Variants in IQCH observed in about 807,000 individuals in gnomAD.
IQCH encodes the protein IQ domain-containing protein H.
Under a neutral mutation model 117.0 loss-of-function variants are expected in IQCH, and 98 were observed. The observed-to-expected ratio is 0.84, with a 90% confidence interval of 0.71 to 0.99. The LOEUF (loss-of-function observed/expected upper bound fraction) is 0.99, where lower values mean the gene tolerates loss of function less well. Among genes scored for constraint, IQCH ranks in the 50% least tolerant of loss-of-function variants. The pLI, the probability that IQCH is intolerant of heterozygous loss-of-function variation, is 0.00. For missense variants in IQCH, 1,102 were observed against 1,243.8 expected (o/e 0.89, Z 1.72); for synonymous variants, 412 against 448.2 (o/e 0.92, Z 1.02).
chr15:67,385,141 G>A lies in IQCH; in HGVS notation c.1456+122G>A, dbSNP rs1016088794. On this transcript the variant is annotated intron_variant, in intron 11 of 20. Transcript: ENST00000335894. The surrounding 1 kb of genome is among the most constrained non-coding windows in gnomAD (Gnocchi z 4.6). The stretch of plus-strand genomic sequence containing the variant: ...TTTTCCTCTACAAGGAAAAAGCTCA[G>A]ATGTTTAATCTACTTACAGGGCAAT... 9 of 587,744 alleles carry A rather than the reference G, an allele frequency of 1.5e-5. No homozygotes were observed. Among genetic ancestry groups the A allele is most frequent in the Non-Finnish European group, 6.1e-6 (2 of 328,740 alleles). 36.4% of individuals were successfully genotyped at this position (587,744 alleles called of 1,614,324 possible).
At chr15:67,321,497 TTTTTTCTTTCTTTC>T (rs1252489394) in intron 4 of IQCH, among the ~76,000 whole-genome samples, 3 of 150,820 alleles carry the variant, frequency 2.0e-5, no homozygotes, top group Non-Finnish European at 4.4e-5. Context: ...TTTTTCTTTC[TTTTTTCTTTCTTTC>T]TTTTTCTTTC....
At chr15:67,340,904 A>G (rs4506839) in intron 5 of IQCH, among the ~76,000 whole-genome samples, 67,509 of 152,092 alleles carry the variant, frequency 0.44, 15,534 homozygotes, top group Non-Finnish European at 0.52. Context: ...CATTTCAGCC[A>G]CAGATAGAGA....
At chr15:67,484,767 A>C (rs2083430522) in intron 18 of IQCH, among the ~76,000 whole-genome samples, 1 of 151,902 alleles carries the variant, frequency 6.6e-6, no homozygotes, top group South Asian at 2.1e-4. Context: ...AAAATAAAAT[A>C]AAATCAACCC....
rs1208342156 is a variant in IQCH, at chr15:67,494,589, G to T, written c.2970+223G>T. On this transcript the variant is annotated intron_variant, in intron 20 of 20. Coordinates refer to ENST00000335894, the MANE Select transcript of IQCH (RefSeq NM_001031715.3). The surrounding 1 kb of genome is among the most constrained non-coding windows in gnomAD (Gnocchi z 5.5). ...AAATAGAGTTGACTTTTAACTTGCT[G>T]CCATTTTCAAACTCCAGCTCCTAAG... 3.3e-5 allele frequency among the ~76,000 whole-genome samples: 5 copies of T among 152,138 alleles called. No homozygotes were observed.
intron 16 of IQCH, among the ~76,000 whole-genome samples, chr15:67,438,479 C>T (rs8035471): frequency 0.017 from 2,517 of 152,228 alleles, 60 homozygotes; most frequent in African/African-American, 0.058. Flanking sequence ...ACCTATAAAA[C>T]AAAAATACAA....
chr15:67,290,835 G>A (rs1966725251), intron 4 of IQCH, among the ~76,000 whole-genome samples: 1 of 152,128 alleles, frequency 6.6e-6, no homozygotes, highest in Admixed American at 6.6e-5. Context: ...ATATAATACA[G>A]CATGATCCCT....
At chr15:67,434,524 GT>G (rs1386728904) in intron 16 of IQCH, among the ~76,000 whole-genome samples, 6 of 152,146 alleles carry the variant, frequency 3.9e-5, no homozygotes, top group African/African-American at 1.4e-4. Flanking sequence ...CACTTAGGTT[GT>G]TTCCACGTCT....
intron 20 of IQCH, among the ~76,000 whole-genome samples, chr15:67,499,280 T>G (rs1039677126): frequency 9.7e-6 from 1 of 102,696 alleles, no homozygotes; most frequent in South Asian, 3.2e-4. Context: ...GCTTTGGTGA[T>G]AGAGCAAGAC....
chr15:67,444,810 G>A (rs2082357217), intron 16 of IQCH, among the ~76,000 whole-genome samples: 1 of 152,120 alleles, frequency 6.6e-6, no homozygotes, highest in South Asian at 2.1e-4. Flanking sequence ...TTTGCTCATA[G>A]CACAAAATTT....
In IQCH at chr15:67,270,099, A is replaced by T. The variant is rs138340233; in HGVS notation, c.269+6883A>T. On this transcript the variant is annotated intron_variant, in intron 3 of 20. Coordinates refer to ENST00000335894, the MANE Select transcript of IQCH (RefSeq NM_001031715.3). ...GTGGGTATACTTTGCTGAATTCATT[A>T]ATCAGTTCTAACAGTTTTTGGTGGT... 6.8e-4 allele frequency among the ~76,000 whole-genome samples: 104 copies of T among 152,250 alleles called. 4 individuals are homozygous for T. The East Asian group carries it at 0.012, about 18-fold the overall frequency.
chr15:67,293,843 A>C (rs187346239), intron 4 of IQCH, among the ~76,000 whole-genome samples: 100 of 152,294 alleles, frequency 6.6e-4, no homozygotes, highest in African/African-American at 2.3e-3. Flanking sequence ...ATGAGTGTGA[A>C]TAGCAAAGAA....
At chr15:67,301,344 A>G (rs567055905) in intron 4 of IQCH, among the ~76,000 whole-genome samples, 1 of 151,680 alleles carries the variant, frequency 6.6e-6, no homozygotes, top group African/African-American at 2.4e-5. Context: ...TCGTAAGACA[A>G]ATTTAGGTTT....
intron 14 of IQCH, among the ~76,000 whole-genome samples, chr15:67,410,920 T>C (rs956165087): frequency 2.0e-5 from 3 of 152,196 alleles, no homozygotes; most frequent in African/African-American, 7.2e-5. Flanking sequence ...CTGGTAGCAA[T>C]TGGGTTTGAA....
At position 67,407,327 on chromosome 15, in the gene IQCH, C is replaced by G. The variant is rs749531183; in HGVS notation, c.2097+7022C>G. 15 of 152,176 alleles carry G rather than the reference C, an allele frequency of 9.9e-5. No homozygotes were observed. The highest frequency in any genetic ancestry group is 1.8e-4 in the Non-Finnish European group (12 of 68,034). 9.4% of individuals were successfully genotyped at this position (152,176 alleles called of 1,614,324 possible). A position where few individuals can be genotyped will look rare whatever the true frequency, so the allele number is the denominator to read the frequency against. On this transcript the variant is annotated intron_variant, in intron 14 of 20. Coordinates refer to ENST00000335894, the MANE Select transcript of IQCH (RefSeq NM_001031715.3). This position sits in a 1 kb window ranked among gnomAD's most constrained non-coding sequence, Gnocchi z 5.3. ...TTTCTGGTTCCAGTTGGTGTATTTT[C>G]TAATTAGTGTAGCAGCACGTCACCA...
intron 18 of IQCH, among the ~76,000 whole-genome samples, chr15:67,489,334 A>AT (rs2083581200): frequency 1.5e-5 from 2 of 136,772 alleles, no homozygotes; most frequent in African/African-American, 5.5e-5. Context: ...CGCCCGGCCA[A>AT]TTTTTTTTGA....
intron 4 of IQCH, among the ~76,000 whole-genome samples, chr15:67,333,748 A>G (rs569998348): frequency 6.6e-5 from 10 of 152,248 alleles, no homozygotes; most frequent in Admixed American, 5.9e-4. Flanking sequence ...AAGCTTTTCT[A>G]TATTTTTTAC....
chr15:67,261,322 T>C lies in IQCH; in HGVS notation c.102T>C (p.Pro34=). ...QLKEKLTKFS[P]EEKGETLDIQ... ...AGGAGAAATTAACAAAATTCTCACC[T>C]GAGGAAAAAGGAGAGACTCTAGACA... The change falls in exon 2 of 21, where the codon CCT becomes CCC. Residue 34 remains proline (P), a synonymous_variant. Transcript: ENST00000335894. 1 of 1,585,810 alleles carries C rather than the reference T, an allele frequency of 6.3e-7. No homozygotes were observed. Among genetic ancestry groups the C allele is most frequent in the Non-Finnish European group, 8.6e-7 (1 of 1,168,958 alleles).
chr15:67,422,482 T>G lies in IQCH; in HGVS notation c.2505+905T>G, dbSNP rs549279589. 6.6e-6 allele frequency among the ~76,000 whole-genome samples: 1 copy of G among 152,204 alleles called. No homozygotes were observed. The highest frequency in any genetic ancestry group is 2.4e-5 in the African/African-American group (1 of 41,452). ...TCCTGTGTACTCCTTGCCAAGCACA[T>G]GGCTCTTCCTCCTCCTAGAGGCCAG... On this transcript the variant is annotated intron_variant, in intron 16 of 20. Transcript: ENST00000335894. This position sits in a 1 kb window ranked among gnomAD's most constrained non-coding sequence, Gnocchi z 4.7.
At chr15:67,323,949 T>G (rs1456012383) in intron 4 of IQCH, among the ~76,000 whole-genome samples, 3 of 141,936 alleles carry the variant, frequency 2.1e-5, no homozygotes, top group Non-Finnish European at 3.1e-5. Flanking sequence ...CTTTTTTTTT[T>G]TTTTTTTTTT....
Sources: gnomAD v4.1 joint callset for allele counts (sites outside exome capture counted in the v4.1 genomes callset) on GRCh38, gnomAD v4.1.1 for gene constraint, Gnocchi (gnomAD v3.1) non-coding constraint, MANE v1.5 for transcripts, NCBI Gene and HGNC (gene_info 2026-07-23, HGNC 2026-07-21) for gene names.